The following PIGK variants were observed in gnomAD, a reference collection of about 807,000 sequenced individuals.
The protein encoded by PIGK is phosphatidylinositol glycan anchor biosynthesis class K, also known as GPI-anchor transamidase.
Under a neutral mutation model 50.6 loss-of-function variants are expected in PIGK, and 42 were observed. That is an observed-to-expected ratio of 0.83 (90% CI 0.65 to 1.07). The LOEUF (loss-of-function observed/expected upper bound fraction) is 1.07, where lower values mean the gene tolerates loss of function less well. Ranked by LOEUF, PIGK falls within the 50% of genes least tolerant of loss-of-function variation. PIGK has a pLI of 0.00. For missense variants in PIGK, 448 were observed against 488.7 expected, an observed-to-expected ratio of 0.92 and a Z score of 0.78; for synonymous variants, 151 against 156.0, an observed-to-expected ratio of 0.97 and a Z score of 0.24.
At chr1:77,164,947 C>T (rs1043776805) in intron 5 of PIGK, among the ~76,000 whole-genome samples, 1 of 152,114 alleles carries the variant, frequency 6.6e-6, no homozygotes, top group Non-Finnish European at 1.5e-5. Flanking sequence ...CAGACCCTGG[C>T]AACCTTCTAC....
intron 3 of PIGK, chr1:77,195,094 T>G (rs1178195162): frequency 9.5e-7 from 1 of 1,047,744 alleles, no homozygotes; most frequent in Non-Finnish European, 1.5e-6. Context: ...CCCAGACTGG[T>G]GAGGTGTGGT....
chr1:77,204,313 C>T (rs554367687), intron 3 of PIGK, among the ~76,000 whole-genome samples: 11 of 152,192 alleles, frequency 7.2e-5, no homozygotes, highest in South Asian at 2.1e-4. Flanking sequence ...TTAGGAAATT[C>T]CTGCCTAGTA....
At chr1:77,160,268 A>G (rs1400947586) in intron 8 of PIGK, among the ~76,000 whole-genome samples, 3 of 152,212 alleles carry the variant, frequency 2.0e-5, no homozygotes, top group Non-Finnish European at 4.4e-5. Flanking sequence ...CTGTGAGTCC[A>G]TTAATCTTCT....
At chr1:77,114,331 G>A (rs917915802) in intron 10 of PIGK, among the ~76,000 whole-genome samples, 5 of 151,916 alleles carry the variant, frequency 3.3e-5, no homozygotes, top group African/African-American at 7.3e-5. Context: ...TTTCATCAAC[G>A]GTACTAGTTA....
At chr1:77,130,998 T>A (rs1189662659) in intron 9 of PIGK, among the ~76,000 whole-genome samples, 2 of 152,274 alleles carry the variant, frequency 1.3e-5, no homozygotes, top group East Asian at 3.9e-4. Context: ...GAATTGTATT[T>A]ATTTACAGAT....
At chr1:77,186,406 A>G (rs1387893468) in intron 3 of PIGK, among the ~76,000 whole-genome samples, 1 of 152,252 alleles carries the variant, frequency 6.6e-6, no homozygotes, top group Non-Finnish European at 1.5e-5. Context: ...GGAAGGAGAA[A>G]TGGTCCAATG....
chr1:77,183,988 C>T (rs920110399), intron 3 of PIGK, among the ~76,000 whole-genome samples: 44 of 152,134 alleles, frequency 2.9e-4, no homozygotes, highest in Non-Finnish European at 1.5e-4. Flanking sequence ...CCTGTTATTG[C>T]TCTTCTCTGT....
At chr1:77,143,321 A>T (rs888184509) in intron 9 of PIGK, among the ~76,000 whole-genome samples, 1 of 152,174 alleles carries the variant, frequency 6.6e-6, no homozygotes, top group African/African-American at 2.4e-5. Flanking sequence ...TATCTGATAG[A>T]TTCATCTATT....
intron 1 of PIGK, among the ~76,000 whole-genome samples, chr1:77,213,813 G>C (rs1021715914): frequency 1.3e-5 from 2 of 151,946 alleles, no homozygotes; most frequent in African/African-American, 4.8e-5. Context: ...AAGAAAAAGA[G>C]AAGACCCAAA....
rs1656218161 is a variant in PIGK, at chr1:77,203,559, T to C, written c.239+3081A>G. ...TTTTCTCCCAGAACCATAATAACCC[T>C]TTTCCCTGAGTCAATATTTTCAAAT... On this transcript the variant is annotated intron_variant, in intron 3 of 10. Transcript: ENST00000370812. Among the ~76,000 whole-genome samples the C allele has an allele frequency of 3.3e-5, 5 of 152,130 alleles. No individual in the cohort carries two copies. The South Asian group carries it at 1.0e-3, about 31-fold the overall frequency.
intron 9 of PIGK, among the ~76,000 whole-genome samples, chr1:77,136,467 T>C (rs1359356646): frequency 2.1e-5 from 3 of 140,410 alleles, no homozygotes; most frequent in African/African-American, 2.7e-5. Flanking sequence ...AGGCGGAGCT[T>C]GCAGTGAGCC....
chr1:77,215,263 A>G (rs1179673875), intron 1 of PIGK, among the ~76,000 whole-genome samples: 1 of 152,172 alleles, frequency 6.6e-6, no homozygotes, highest in East Asian at 1.9e-4. Context: ...AAACGAGCAA[A>G]GGATCTGAAT....
intron 4 of PIGK, among the ~76,000 whole-genome samples, chr1:77,168,343 C>T (rs1655278507): frequency 1.3e-5 from 2 of 152,120 alleles, no homozygotes; most frequent in Non-Finnish European, 2.9e-5. Context: ...TATGTATACA[C>T]ATTTGTGCGT....
chr1:77,204,998 A>G (rs1656257251), intron 3 of PIGK, among the ~76,000 whole-genome samples: 1 of 152,214 alleles, frequency 6.6e-6, no homozygotes, highest in Non-Finnish European at 1.5e-5. Flanking sequence ...CAATTATTTG[A>G]AACAGAAATA....
chr1:77,108,989 C>T (rs1368608720), intron 10 of PIGK, among the ~76,000 whole-genome samples: 1 of 152,072 alleles, frequency 6.6e-6, no homozygotes, highest in African/African-American at 2.4e-5. Context: ...GTTAGCCATT[C>T]GTCTAACCTT....
intron 3 of PIGK, among the ~76,000 whole-genome samples, chr1:77,182,584 A>G (rs147374025): frequency 2.6e-5 from 4 of 152,282 alleles, no homozygotes; most frequent in African/African-American, 9.6e-5. Flanking sequence ...ATATATTTGC[A>G]TACTATTAGT....
At chr1:77,163,089 C>T (rs1399437195) in intron 6 of PIGK, among the ~76,000 whole-genome samples, 2 of 152,164 alleles carry the variant, frequency 1.3e-5, no homozygotes, top group African/African-American at 4.8e-5. Context: ...AGTATGCATT[C>T]TATAACTGTA....
At chr1:77,207,455 C>G (rs1375757525) in intron 2 of PIGK, among the ~76,000 whole-genome samples, 1 of 152,060 alleles carries the variant, frequency 6.6e-6, no homozygotes, top group South Asian at 2.1e-4. Flanking sequence ...ACATTGCTTC[C>G]TTTATTGTGA....
At chr1:77,206,593 G>T in intron 3 of PIGK, 47 bp downstream of exon 3, 1 of 970,468 alleles carries the variant, frequency 1.0e-6, no homozygotes, top group Non-Finnish European at 1.6e-6. Context: ...TTATCTAAGG[G>T]TTATTTTCAC....
Sources: allele counts gnomAD v4.1 joint callset (sites outside exome capture counted in the v4.1 genomes callset), GRCh38; gene constraint gnomAD v4.1.1; transcripts MANE v1.5; gene names NCBI Gene and HGNC (gene_info 2026-07-23, HGNC 2026-07-21).